NRCAM: variants seen among roughly 807,000 people sequenced by gnomAD.
The protein encoded by NRCAM is NgCAM-related cell adhesion molecule.
A neutral mutation model predicts 156.5 loss-of-function variants in NRCAM; 83 were observed. The observed-to-expected ratio is 0.53, with a 90% CI of 0.44 to 0.64. NRCAM has a LOEUF of 0.64. NRCAM is among the 30% of genes least tolerant of loss of function. The pLI, the probability that NRCAM is intolerant of heterozygous loss-of-function variation, is 0.00. For missense variants in NRCAM, 1,417 were observed against 1,597.3 expected (o/e 0.89, Z 1.92); for synonymous variants, 538 against 563.9 (o/e 0.95, Z 0.65).
intron 2 of NRCAM, among the ~76,000 whole-genome samples, chr7:108,390,764 T>C (rs2154374939): frequency 6.6e-6 from 1 of 152,358 alleles, no homozygotes; most frequent in East Asian, 1.9e-4. Flanking sequence ...GAGATTCTGG[T>C]ATGTTGTGTC....
At chr7:108,291,735 G>A (rs192002683) in intron 3 of NRCAM, among the ~76,000 whole-genome samples, 161 of 152,246 alleles carry the variant, frequency 1.1e-3, no homozygotes, top group African/African-American at 3.7e-3. Flanking sequence ...AGAAAGTATA[G>A]AGGAAGAGAC....
intron 11 of NRCAM, among the ~76,000 whole-genome samples, chr7:108,222,280 T>G (rs907543797): frequency 2.6e-5 from 4 of 152,222 alleles, no homozygotes; most frequent in Non-Finnish European, 5.9e-5. Flanking sequence ...TTGTCAGGAA[T>G]TGGAAATATT....
intron 11 of NRCAM, among the ~76,000 whole-genome samples, chr7:108,213,780 A>G (rs1388448978): frequency 1.3e-5 from 2 of 152,166 alleles, no homozygotes; most frequent in Non-Finnish European, 2.9e-5. Context: ...ACAATTACTA[A>G]TAGTCCTGAG....
At chr7:108,215,222 T>G (rs970833110) in intron 11 of NRCAM, among the ~76,000 whole-genome samples, 9 of 150,358 alleles carry the variant, frequency 6.0e-5, no homozygotes, top group Non-Finnish European at 1.5e-5. Context: ...ATTTTTTTTT[T>G]TTTTTTTTGA....
chr7:108,358,423 C>A (rs567205598), intron 2 of NRCAM, among the ~76,000 whole-genome samples: 2 of 151,476 alleles, frequency 1.3e-5, no homozygotes, highest in African/African-American at 2.4e-5. Flanking sequence ...AACCAAAAAA[C>A]CCCCAAAACT....
At chr7:108,232,252 G>C in intron 7 of NRCAM, 74 bp downstream of exon 7, 1 of 1,083,246 alleles carries the variant, frequency 9.2e-7, no homozygotes, top group Non-Finnish European at 1.3e-6. Flanking sequence ...ATAGTATTTG[G>C]ATGATGTCAC....
chr7:108,200,325 T>C (rs559920209), intron 13 of NRCAM, among the ~76,000 whole-genome samples: 39 of 152,326 alleles, frequency 2.6e-4, no homozygotes, highest in Non-Finnish European at 5.4e-4. Flanking sequence ...AGGATGGATA[T>C]GACACACTGG....
intron 2 of NRCAM, among the ~76,000 whole-genome samples, chr7:108,323,277 A>G (rs1339627679): frequency 3.3e-5 from 5 of 152,194 alleles, no homozygotes; most frequent in African/African-American, 4.8e-5. Context: ...TTGCTTTGAA[A>G]ATCGTTACTT....
At chr7:108,196,748 C>T (rs756149555) in intron 14 of NRCAM, among the ~76,000 whole-genome samples, 1 of 152,120 alleles carries the variant, frequency 6.6e-6, no homozygotes, top group Non-Finnish European at 1.5e-5. Context: ...TAAGTTAGTA[C>T]AGCCATTATG....
intron 2 of NRCAM, among the ~76,000 whole-genome samples, chr7:108,359,945 T>C (rs1432566349): frequency 1.3e-5 from 2 of 152,234 alleles, no homozygotes. Flanking sequence ...TTGAACTTCA[T>C]AACAATGCTA....
chr7:108,231,697 AT>A (rs1346941273), intron 7 of NRCAM, among the ~76,000 whole-genome samples: 2 of 152,166 alleles, frequency 1.3e-5, no homozygotes, highest in African/African-American at 4.8e-5. Context: ...AGCAGTAGTT[AT>A]TTCCTTGAAT....
chr7:108,274,817 G>A (rs183326023), intron 3 of NRCAM, among the ~76,000 whole-genome samples: 1 of 152,208 alleles, frequency 6.6e-6, no homozygotes, highest in African/African-American at 2.4e-5. Flanking sequence ...GTCTTGTGCT[G>A]GCTTTCAATG....
chr7:108,248,068 C>G (rs1329167855), intron 3 of NRCAM, among the ~76,000 whole-genome samples: 1 of 152,160 alleles, frequency 6.6e-6, no homozygotes, highest in Non-Finnish European at 1.5e-5. Context: ...TGTGGAGTCA[C>G]TGAAACAAGC....
At chr7:108,208,106 C>T (rs1427998668) in intron 12 of NRCAM, among the ~76,000 whole-genome samples, 1 of 147,788 alleles carries the variant, frequency 6.8e-6, no homozygotes, top group Non-Finnish European at 1.5e-5. Context: ...CCAGCCTGGC[C>T]GACATGGTAA....
chr7:108,391,577 T>C (rs1425187626), intron 2 of NRCAM, among the ~76,000 whole-genome samples: 1 of 152,138 alleles, frequency 6.6e-6, no homozygotes, highest in Non-Finnish European at 1.5e-5. Context: ...CATTTACATT[T>C]AAGGTTAATA....
At chr7:108,254,102 C>A (rs1330926796) in intron 3 of NRCAM, among the ~76,000 whole-genome samples, 1 of 152,060 alleles carries the variant, frequency 6.6e-6, no homozygotes, top group Non-Finnish European at 1.5e-5. Context: ...AATTTCTTAG[C>A]TATGACACCA....
chr7:108,274,176 T>G (rs2154063116), intron 3 of NRCAM, among the ~76,000 whole-genome samples: 1 of 152,342 alleles, frequency 6.6e-6, no homozygotes, highest in East Asian at 1.9e-4. Context: ...GGTAGCGTGA[T>G]GCCTCCAGCT....
At chr7:108,269,601 G>A (rs538540522) in intron 3 of NRCAM, among the ~76,000 whole-genome samples, 247 of 152,242 alleles carry the variant, frequency 1.6e-3, no homozygotes, top group Non-Finnish European at 3.0e-3. Flanking sequence ...TTACACACTC[G>A]CATATGATAC....
intron 3 of NRCAM, among the ~76,000 whole-genome samples, chr7:108,277,612 T>A (rs1040295882): frequency 1.3e-5 from 2 of 152,124 alleles, no homozygotes; most frequent in African/African-American, 4.8e-5. Flanking sequence ...TTCTCTACAC[T>A]GGTTATTCTA....
Sources: allele counts gnomAD v4.1 joint callset (sites outside exome capture counted in the v4.1 genomes callset), GRCh38; gene constraint gnomAD v4.1.1; transcripts MANE v1.5; gene names NCBI Gene and HGNC (gene_info 2026-07-23, HGNC 2026-07-21).